The following DTNB variants were observed in gnomAD, a reference collection of about 807,000 sequenced individuals.
DTNB encodes the protein DTN-B.
In DTNB, 63 loss-of-function variants were observed where a neutral mutation model predicts 90.7. The ratio of observed to expected loss-of-function variants is 0.69; its 90% CI spans 0.57 to 0.86. The LOEUF (loss-of-function observed/expected upper bound fraction) is 0.86. DTNB is among the 40% of genes least tolerant of loss of function. The probability of loss-of-function intolerance (pLI) is 0.00; values close to 1 mark genes in which losing one functional copy is unlikely to be tolerated. For missense variants in DTNB, 744 were observed against 807.1 expected (o/e 0.92, Z 0.95); for synonymous variants, 277 against 286.7 (o/e 0.97, Z 0.34).
chr2:25,509,594 T>C (rs1026583722), intron 9 of DTNB, among the ~76,000 whole-genome samples: 2 of 152,130 alleles, frequency 1.3e-5, no homozygotes, highest in African/African-American at 2.4e-5. Flanking sequence ...CACTCTCCTT[T>C]GGTTTCTAAT....
chr2:25,534,445 C>A (rs2078935241), intron 8 of DTNB, among the ~76,000 whole-genome samples: 1 of 152,012 alleles, frequency 6.6e-6, no homozygotes, highest in African/African-American at 2.4e-5. Context: ...GTTTCTTTTC[C>A]CCACATTTCC....
intron 8 of DTNB, among the ~76,000 whole-genome samples, chr2:25,552,005 A>C (rs1434203905): frequency 1.3e-5 from 2 of 152,252 alleles, no homozygotes; most frequent in East Asian, 3.8e-4. Flanking sequence ...TTTAATTTCC[A>C]GGATCACTAC....
rs2065717748 is a variant in DTNB at position 25,600,794 on chromosome 2, T to G, written c.449-4554A>C. Among the ~76,000 whole-genome samples the G allele has an allele frequency of 2.6e-5, 4 of 152,216 alleles. No homozygotes were observed. In the South Asian group the frequency reaches 8.3e-4, roughly 32 times the overall value. Reference sequence around the variant, plus strand: ...AGAGTAATAAAAAGGAGTGACTGGATAGTAAAATGACTAACCACTCCCACA... The same window carrying G: ...AGAGTAATAAAAAGGAGTGACTGGAGAGTAAAATGACTAACCACTCCCACA... On this transcript the variant is annotated intron_variant, in intron 5 of 20. Coordinates refer to ENST00000406818, the MANE Select transcript of DTNB (RefSeq NM_021907.5).
Position 25,431,622 on chromosome 2 carries a change from T to G in DTNB, c.1457+1264A>C, listed in dbSNP as rs190317763. On this transcript the variant is annotated intron_variant, in intron 14 of 20. Coordinates refer to ENST00000406818, the MANE Select transcript of DTNB (RefSeq NM_021907.5). The stretch of plus-strand genomic sequence containing the variant: ...CCCTGCTACTACATCTAAGATATTT[T>G]TCAGATCCTTCCGGCTTAACTGAGC... Among the ~76,000 whole-genome samples, 547 of 152,350 alleles carry G rather than the reference T, an allele frequency of 3.6e-3. 2 individuals are homozygous for G. The highest frequency in any genetic ancestry group is 6.6e-3 in the Non-Finnish European group (446 of 68,032).
At chr2:25,609,604 A>AAG (rs1350816936) in intron 4 of DTNB, among the ~76,000 whole-genome samples, 1 of 151,320 alleles carries the variant, frequency 6.6e-6, no homozygotes, top group East Asian at 1.9e-4. Flanking sequence ...TCAAAAAAAA[A>AAG]AAAAAAACTT....
chr2:25,616,705 G>A (rs1368821053), intron 4 of DTNB, among the ~76,000 whole-genome samples: 5 of 150,092 alleles, frequency 3.3e-5, no homozygotes, highest in Non-Finnish European at 5.9e-5. Context: ...GGCCAAAGCT[G>A]GTGGATCACG....
At chr2:25,554,844 G>T (rs1487395069) in intron 8 of DTNB, among the ~76,000 whole-genome samples, 1 of 152,046 alleles carries the variant, frequency 6.6e-6, no homozygotes, top group Non-Finnish European at 1.5e-5. Context: ...CATAAATTAT[G>T]AATGGTCACA....
intron 4 of DTNB, among the ~76,000 whole-genome samples, chr2:25,625,551 A>ATTTTTTTTTTTTTTTTTTTTT (rs66586812): frequency 1.4e-5 from 1 of 73,946 alleles, no homozygotes; most frequent in African/African-American, 5.7e-5. Context: ...TAACTCACTC[A>ATTTTTTTTTTTTTTTTTTTTT]TTTTTTTTTT....
chr2:25,400,445 G>A (rs2043429497), intron 16 of DTNB, among the ~76,000 whole-genome samples: 1 of 152,238 alleles, frequency 6.6e-6, no homozygotes, highest in Non-Finnish European at 1.5e-5. Context: ...TCTAGAATAC[G>A]CGGCACAGTG....
chr2:25,454,846 T>C (rs1490101167), intron 11 of DTNB, among the ~76,000 whole-genome samples: 3 of 152,154 alleles, frequency 2.0e-5, no homozygotes, highest in African/African-American at 7.2e-5. Context: ...TGAGAGGGTC[T>C]ACATAATTTG....
intron 3 of DTNB, among the ~76,000 whole-genome samples, chr2:25,636,394 G>A (rs1309627650): frequency 6.6e-6 from 1 of 152,088 alleles, no homozygotes; most frequent in African/African-American, 2.4e-5. Context: ...AAAACCTTTA[G>A]AACAATGCAT....
chr2:25,563,550 A>G (rs2058563847), intron 8 of DTNB, among the ~76,000 whole-genome samples: 1 of 152,170 alleles, frequency 6.6e-6, no homozygotes, highest in South Asian at 2.1e-4. Flanking sequence ...ACTTACATCT[A>G]ATCTCTTTTT....
Position 25,652,661 on chromosome 2 carries a change from C to T in DTNB, c.-1G>A, listed in dbSNP as rs1439809612. ...GCTTGTTCCCACTTTCCTCAATCATCCTAGAGACAAAGAAAGATACAATAA... is the reference window on the plus strand; with the variant it reads ...GCTTGTTCCCACTTTCCTCAATCATTCTAGAGACAAAGAAAGATACAATAA... On this transcript the variant is annotated splice_region_variant and 5_prime_UTR_variant, in exon 2 of 21. Coordinates refer to ENST00000406818, the MANE Select transcript of DTNB (RefSeq NM_021907.5). 2 of 1,611,516 alleles carry T rather than the reference C, an allele frequency of 1.2e-6. No individual in the cohort carries two copies. Among genetic ancestry groups the T allele is most frequent in the South Asian group, 1.1e-5 (1 of 90,608 alleles).
intron 8 of DTNB, among the ~76,000 whole-genome samples, chr2:25,533,626 CCT>C (rs1049219569): frequency 2.0e-5 from 3 of 152,164 alleles, no homozygotes; most frequent in African/African-American, 4.8e-5. Context: ...CTGACTCCTG[CCT>C]CTCTCTCTTT....
At chr2:25,618,417 T>C (rs2071425018) in intron 4 of DTNB, among the ~76,000 whole-genome samples, 1 of 152,338 alleles carries the variant, frequency 6.6e-6, no homozygotes, top group South Asian at 2.1e-4. Flanking sequence ...AATAATTAGC[T>C]GCCAGTGGCC....
chr2:25,559,469 C>T (rs2057915502), intron 8 of DTNB, among the ~76,000 whole-genome samples: 1 of 152,196 alleles, frequency 6.6e-6, no homozygotes, highest in African/African-American at 2.4e-5. Flanking sequence ...ATCATTTTCC[C>T]TTTTCCTTAA....
intron 9 of DTNB, among the ~76,000 whole-genome samples, chr2:25,484,410 G>C (rs189170099): frequency 2.6e-5 from 4 of 152,246 alleles, no homozygotes; most frequent in Admixed American, 2.6e-4. Flanking sequence ...GCAATTCTTT[G>C]TGAATATTAA....
chr2:25,551,899 T>C (rs1374231577), intron 8 of DTNB, among the ~76,000 whole-genome samples: 1 of 152,238 alleles, frequency 6.6e-6, no homozygotes, highest in Non-Finnish European at 1.5e-5. Context: ...TAAGGAATAC[T>C]TCTCTGTTCT....
At chr2:25,428,958 G>C (rs1215524697) in intron 14 of DTNB, among the ~76,000 whole-genome samples, 1 of 152,122 alleles carries the variant, frequency 6.6e-6, no homozygotes, top group Admixed American at 6.5e-5. Context: ...TCAAAACAAA[G>C]CTATGTTCAT....
Sources: allele counts gnomAD v4.1 joint callset (sites outside exome capture counted in the v4.1 genomes callset), GRCh38; gene constraint gnomAD v4.1.1; transcripts MANE v1.5; gene names NCBI Gene and HGNC (gene_info 2026-07-23, HGNC 2026-07-21).